COL5A1: variants seen among roughly 807,000 people sequenced by gnomAD.
COL5A1 encodes the protein collagen alpha-1(V) chain.
COL5A1 carries 16 observed loss-of-function variants against 263.7 expected under a neutral mutation model. The ratio of observed to expected loss-of-function variants is 0.06; its 90% CI spans 0.04 to 0.09. The LOEUF (loss-of-function observed/expected upper bound fraction) is 0.09. Ranked by LOEUF, COL5A1 falls within the 10% of genes least tolerant of loss-of-function variation. The pLI, the probability that COL5A1 is intolerant of heterozygous loss-of-function variation, is 1.00. For synonymous variants in COL5A1, 1,012 were observed against 1,004.5 expected, an observed-to-expected ratio of 1.01 and a Z score of -0.14; for missense variants, 2,036 against 2,540.5, an observed-to-expected ratio of 0.80 and a Z score of 4.27.
intron 28 of COL5A1, 144 bp downstream of exon 28, chr9:134,780,290 T>C: frequency 1.2e-6 from 1 of 824,220 alleles, no homozygotes; most frequent in South Asian, 1.4e-5. Context: ...GATGCCACTC[T>C]GTGGAAAGTG....
intron 28 of COL5A1, among the ~76,000 whole-genome samples, chr9:134,780,515 C>T (rs143481618): frequency 2.0e-4 from 30 of 151,892 alleles, no homozygotes; most frequent in Non-Finnish European, 4.0e-4. Flanking sequence ...CTTGCATGGC[C>T]GCTGGCACGA....
intron 64 of COL5A1, chr9:134,830,486 A>G (rs2132909705): frequency 2.0e-6 from 1 of 491,056 alleles, no homozygotes; most frequent in Non-Finnish European, 3.7e-6. Context: ...CAGGCACCTG[A>G]GCACTGAGGT....
At chr9:134,777,709 A>T (rs4240706) in intron 27 of COL5A1, among the ~76,000 whole-genome samples, 118,424 of 152,134 alleles carry the variant, frequency 0.78, 46,403 homozygotes, top group Admixed American at 0.84. Flanking sequence ...ATGGGCAGGG[A>T]GGGAGCAGCA....
At position 134,824,640 on chromosome 9, in the gene COL5A1, C is replaced by T. The variant is rs528826181; in HGVS notation, c.4739C>T (p.Ala1580Val). 5 of 1,614,202 alleles carry T rather than the reference C, an allele frequency of 3.1e-6. No individual in the cohort carries two copies. The highest frequency in any genetic ancestry group is 4.5e-5 in the East Asian group (2 of 44,878). ...GEVIQPLPIQ[A>V]SRTRRNIDAS... ...GTCATCCAGCCCCTGCCAATCCAGG[C>T]ATCCAGGACGCGGCGGAACATCGAC... The change falls in exon 62 of 66, where the codon GCA (alanine) becomes GTA (valine). Residue 1580 changes from alanine (A) to valine (V), a missense_variant. By Grantham distance (64) the Ala-to-Val change is moderately conservative. Around this residue, in one of 3 missense-constraint regions of COL5A1, gnomAD observed 358 missense variants for 384.6 expected, o/e 0.93. Coordinates refer to ENST00000371817, the MANE Select transcript of COL5A1 (RefSeq NM_000093.5).
rs1185228851 is a variant in COL5A1, at chr9:134,679,265, C to T, written c.110-11647C>T. Among the ~76,000 whole-genome samples the T allele has an allele frequency of 7.5e-5, 9 of 119,404 alleles. No homozygotes were observed. The South Asian group carries it at 1.5e-3, about 20-fold the overall frequency. 78.3% of individuals were successfully genotyped at this position (119,404 alleles called of 152,430 possible). A position where few individuals can be genotyped will look rare whatever the true frequency, so the allele number is the denominator to read the frequency against. Reference sequence around the variant, plus strand: ...TGTGGGGCTGGCTAGGGGGCACTGCCGGGCTGGTTAGGGGGCACTGCCGGG... The same window carrying T: ...TGTGGGGCTGGCTAGGGGGCACTGCTGGGCTGGTTAGGGGGCACTGCCGGG... On this transcript the variant is annotated intron_variant, in intron 1 of 65. Coordinates refer to ENST00000371817, the MANE Select transcript of COL5A1 (RefSeq NM_000093.5).
intron 1 of COL5A1, among the ~76,000 whole-genome samples, chr9:134,674,396 C>T (rs1005231729): frequency 3.3e-5 from 5 of 152,050 alleles, no homozygotes; most frequent in African/African-American, 9.7e-5. Flanking sequence ...GCAGGGGACA[C>T]GGTTCCATTT....
In COL5A1 at chr9:134,698,071, G is replaced by A. The variant is rs1833543942; in HGVS notation, c.278-1838G>A. On this transcript the variant is annotated intron_variant, in intron 2 of 65. Transcript: ENST00000371817. ...TGCACTCCAACCTGGGCGACAGAAC[G>A]AGACTCTATCTCAAAAAAACCCCAC... 2.0e-5 allele frequency among the ~76,000 whole-genome samples: 3 copies of A among 152,298 alleles called. No individual in the cohort carries two copies. The South Asian group carries it at 6.2e-4, about 32-fold the overall frequency.
At chr9:134,666,952 C>T (rs976725242) in intron 1 of COL5A1, among the ~76,000 whole-genome samples, 1 of 152,240 alleles carries the variant, frequency 6.6e-6, no homozygotes, top group African/African-American at 2.4e-5. Flanking sequence ...ATGGGGATGA[C>T]ATGACCCCAG....
intron 46 of COL5A1, 23 bp downstream of exon 46, chr9:134,811,622 A>G: frequency 6.6e-7 from 1 of 1,526,290 alleles, no homozygotes. Flanking sequence ...TTCTCACCAC[A>G]CCGGGCTCCT....
intron 18 of COL5A1, among the ~76,000 whole-genome samples, chr9:134,760,709 A>G (rs956230350): frequency 9.5e-6 from 1 of 104,952 alleles, no homozygotes; most frequent in Admixed American, 1.0e-4. Context: ...ACACACACCC[A>G]CACACCCATA....
chr9:134,672,232 A>C (rs1832558181), intron 1 of COL5A1, among the ~76,000 whole-genome samples: 1 of 152,230 alleles, frequency 6.6e-6, no homozygotes, highest in African/African-American at 2.4e-5. Context: ...TTGTTATAAA[A>C]GCAATATGTG....
At chr9:134,668,640 C>T (rs189634183) in intron 1 of COL5A1, among the ~76,000 whole-genome samples, 202 of 152,042 alleles carry the variant, frequency 1.3e-3, no homozygotes, top group Middle Eastern at 3.4e-3. Context: ...CCAACCCATC[C>T]ATCTAAACTA....
At chr9:134,659,657 G>A (rs1358829668) in intron 1 of COL5A1, among the ~76,000 whole-genome samples, 1 of 152,204 alleles carries the variant, frequency 6.6e-6, no homozygotes, top group African/African-American at 2.4e-5. Flanking sequence ...CTGCCCTCCT[G>A]CATCACCATG....
intron 1 of COL5A1, among the ~76,000 whole-genome samples, chr9:134,669,498 C>T (rs1038644283): frequency 6.6e-6 from 1 of 151,860 alleles, no homozygotes; most frequent in Non-Finnish European, 1.5e-5. Flanking sequence ...GGTTTACGAC[C>T]ATCTCAGACT....
At chr9:134,734,673 C>T (rs1189783117) in intron 9 of COL5A1, among the ~76,000 whole-genome samples, 3 of 152,234 alleles carry the variant, frequency 2.0e-5, no homozygotes, top group African/African-American at 7.2e-5. Flanking sequence ...CCTAAAAGGA[C>T]AGGAATCCAC....
In COL5A1 at chr9:134,738,754, C is replaced by T. The variant is rs150940930; in HGVS notation, c.1440C>T (p.Pro480=). 673 of 1,612,536 alleles carry T rather than the reference C, an allele frequency of 4.2e-4. No individual in the cohort carries two copies. Among genetic ancestry groups the T allele is most frequent in the Non-Finnish European group, 5.3e-4 (630 of 1,178,682 alleles). Residue 480 remains proline (P), a synonymous_variant, in exon 11 of 66, where the codon CCC becomes CCT. Coordinates refer to ENST00000371817, the MANE Select transcript of COL5A1 (RefSeq NM_000093.5). ...TTTATTTTTAATTCTAGGGTCTTCCCGGACCTCCAGGAACCATGGGTCCCA... is the reference window on the plus strand; with the variant it reads ...TTTATTTTTAATTCTAGGGTCTTCCTGGACCTCCAGGAACCATGGGTCCCA... ...PPGPEGPAGL[P]GPPGTMGPTG...
intron 32 of COL5A1, among the ~76,000 whole-genome samples, chr9:134,791,108 G>A (rs62571370): frequency 0.019 from 2,965 of 152,288 alleles, 36 homozygotes; most frequent in East Asian, 0.055. Context: ...TGTGGGTCAC[G>A]GGACACAACA....
chr9:134,681,407 C>T lies in COL5A1; in HGVS notation c.110-9505C>T, dbSNP rs1008905291. 6.6e-6 allele frequency among the ~76,000 whole-genome samples: 1 copy of T among 152,256 alleles called. No homozygotes were observed. Among genetic ancestry groups the T allele is most frequent in the Non-Finnish European group, 1.5e-5 (1 of 68,044 alleles). On this transcript the variant is annotated intron_variant, in intron 1 of 65. Coordinates refer to ENST00000371817, the MANE Select transcript of COL5A1 (RefSeq NM_000093.5). This position sits in a 1 kb window ranked among gnomAD's most constrained non-coding sequence, Gnocchi z 4.3. ...TGCCGGGCTGTGCGGGGCCCCTGCC[C>T]TCCTGCAGTTCACAGCCCGTGGAGG...
rs982974086 is a variant in COL5A1, at chr9:134,678,765, C to T, written c.110-12147C>T. On this transcript the variant is annotated intron_variant, in intron 1 of 65. Transcript: ENST00000371817. The surrounding 1 kb of genome is among the most constrained non-coding windows in gnomAD (Gnocchi z 5.5). ...ATGAAACTGGCCCTCGCTGGAGGAA[C>T]GGGTGGGCCGGGCCCTGGGTGAAGG... Among the ~76,000 whole-genome samples, 1 of 152,200 alleles carries T rather than the reference C, an allele frequency of 6.6e-6. No homozygotes were observed. Among genetic ancestry groups the T allele is most frequent in the Non-Finnish European group, 1.5e-5 (1 of 68,022 alleles).
Sources: gnomAD v4.1 joint callset for allele counts (sites outside exome capture counted in the v4.1 genomes callset) on GRCh38, gnomAD v4.1.1 for gene constraint, gnomAD v4.1.1 regional missense constraint, Gnocchi (gnomAD v3.1) non-coding constraint, MANE v1.5 for transcripts, NCBI Gene and HGNC (gene_info 2026-07-23, HGNC 2026-07-21) for gene names.